PLEKHM3: variants seen among roughly 807,000 people sequenced by gnomAD.
PLEKHM3 encodes pleckstrin homology domain-containing family M member 3.
Under a neutral mutation model 81.8 loss-of-function variants are expected in PLEKHM3, and 45 were observed. The ratio of observed to expected loss-of-function variants is 0.55; its 90% CI spans 0.43 to 0.71. The LOEUF is 0.71. Ranked by LOEUF, PLEKHM3 falls within the 30% of genes least tolerant of loss-of-function variation. The pLI is 0.00. For synonymous variants in PLEKHM3, 352 were observed against 356.4 expected (o/e 0.99, Z 0.14); for missense variants, 788 against 924.3 (o/e 0.85, Z 1.91).
Position 208,001,416 on chromosome 2 carries a change from T to C in PLEKHM3, c.224A>G (p.His75Arg), listed in dbSNP as rs1692299089. The C allele has an allele frequency of 1.2e-6, 2 of 1,614,076 alleles. No homozygotes were observed. Among genetic ancestry groups the C allele is most frequent in the East Asian group, 4.5e-5 (2 of 44,906 alleles). Reference sequence around the variant, plus strand: ...GGTTTCTAAGAGCCTGCTCTTACAGTGGTCCCAAATCATGCCCCCCTTGCC... The same window carrying C: ...GGTTTCTAAGAGCCTGCTCTTACAGCGGTCCCAAATCATGCCCCCCTTGCC... Reference protein sequence around the residue: ...SLGKGGMIWDHCKSRLLETKA... With the variant: ...SLGKGGMIWDRCKSRLLETKA... The change falls in exon 2 of 8, where the codon CAC becomes CGC. Residue 75 changes from histidine to arginine, a missense_variant. Coordinates refer to ENST00000427836, the MANE Select transcript of PLEKHM3 (RefSeq NM_001080475.3).
chr2:207,830,024 G>C (rs1454664953), intron 7 of PLEKHM3, among the ~76,000 whole-genome samples: 1 of 152,090 alleles, frequency 6.6e-6, no homozygotes, highest in East Asian at 1.9e-4. Context: ...GCGGGGTGGG[G>C]GGTTGGAAGG....
chr2:207,997,674 AG>A (rs1692166559), intron 2 of PLEKHM3, among the ~76,000 whole-genome samples: 1 of 152,136 alleles, frequency 6.6e-6, no homozygotes, highest in Non-Finnish European at 1.5e-5. Flanking sequence ...GGGAGAAGGG[AG>A]GATTATGGGT....
chr2:207,884,220 C>G (rs1211686788), intron 6 of PLEKHM3, among the ~76,000 whole-genome samples: 1 of 144,766 alleles, frequency 6.9e-6, no homozygotes, highest in Non-Finnish European at 1.5e-5. Context: ...GAAAAACTCA[C>G]AGTTAACATC....
In PLEKHM3 at chr2:208,002,895, T is replaced by C. The variant is rs12476067; in HGVS notation, c.-318-938A>G. Among the ~76,000 whole-genome samples, 1,234 of 151,456 alleles carry C rather than the reference T, an allele frequency of 8.1e-3. 8 individuals are homozygous for C. Among genetic ancestry groups the C allele is most frequent in the Non-Finnish European group, 0.013 (899 of 67,880 alleles). ...ATTTCAAGTGCCCAACTGTCACATATACCTTTTACCAGGAAAAAAAAAAAA... is the reference window on the plus strand; with the variant it reads ...ATTTCAAGTGCCCAACTGTCACATACACCTTTTACCAGGAAAAAAAAAAAA... On this transcript the variant is annotated intron_variant, in intron 1 of 7. Transcript: ENST00000427836.
At chr2:207,848,235 C>T (rs1213163098) in intron 7 of PLEKHM3, among the ~76,000 whole-genome samples, 1 of 152,210 alleles carries the variant, frequency 6.6e-6, no homozygotes, top group African/African-American at 2.4e-5. Context: ...ATCCCCACCC[C>T]TTCCCCACCA....
At chr2:207,940,666 T>C (rs1689908590) in intron 4 of PLEKHM3, among the ~76,000 whole-genome samples, 2 of 152,122 alleles carry the variant, frequency 1.3e-5, no homozygotes, top group African/African-American at 4.8e-5. Flanking sequence ...ATTAATCCCT[T>C]AATAAGTGCA....
At chr2:207,873,081 G>A (rs1465388816) in intron 6 of PLEKHM3, among the ~76,000 whole-genome samples, 1 of 152,100 alleles carries the variant, frequency 6.6e-6, no homozygotes, top group Non-Finnish European at 1.5e-5. Context: ...TGAGAGCAAA[G>A]AAGGGAAGAA....
At chr2:207,889,646 A>C (rs1229276669) in intron 6 of PLEKHM3, among the ~76,000 whole-genome samples, 1 of 152,136 alleles carries the variant, frequency 6.6e-6, no homozygotes, top group East Asian at 1.9e-4. Context: ...TCAGACTGGA[A>C]GAGGTGGGGG....
At position 207,976,941 on chromosome 2, in the gene PLEKHM3, T is replaced by A. The variant is rs779331594; in HGVS notation, c.1256A>T (p.Asp419Val). Residue 419 changes from aspartate (D) to valine (V), a missense_variant, in exon 3 of 8, where the codon GAT (aspartate) becomes GTT (valine). Asp to Val is a radical substitution (Grantham distance 152). Coordinates refer to ENST00000427836, the MANE Select transcript of PLEKHM3 (RefSeq NM_001080475.3). This position sits in a 1 kb window ranked among gnomAD's most constrained non-coding sequence, Gnocchi z 4.1. Reference protein sequence around the residue: ...VCLAVQMDNLDGCDSCFQVIF... With the variant: ...VCLAVQMDNLVGCDSCFQVIF... ...GACTTGAAAGCAAGAGTCGCAGCCA[T>A]CCAGGTTGTCCATCTGGACAGCCAG... 11 of 1,614,086 alleles carry A rather than the reference T, an allele frequency of 6.8e-6. No homozygotes were observed. The highest frequency in any genetic ancestry group is 1.7e-5 in the Admixed American group (1 of 60,004).
chr2:207,973,204 T>A (rs74836333), intron 3 of PLEKHM3, among the ~76,000 whole-genome samples: 4,537 of 152,312 alleles, frequency 0.03, 212 homozygotes, highest in African/African-American at 0.099. Context: ...TTTATGAGGA[T>A]GCAAAGTTAG....
intron 7 of PLEKHM3, among the ~76,000 whole-genome samples, chr2:207,837,154 CA>C (rs2092323907): frequency 6.6e-6 from 1 of 152,140 alleles, no homozygotes; most frequent in Non-Finnish European, 1.5e-5. Flanking sequence ...TGTAAGTAAA[CA>C]TAAGCAAACA....
At chr2:207,959,604 C>G (rs1690662862) in intron 3 of PLEKHM3, among the ~76,000 whole-genome samples, 1 of 152,178 alleles carries the variant, frequency 6.6e-6, no homozygotes, top group African/African-American at 2.4e-5. Context: ...GCTTCTCTTT[C>G]CTCATATTTT....
At chr2:207,925,256 C>T (rs1473478024) in intron 5 of PLEKHM3, among the ~76,000 whole-genome samples, 6 of 151,806 alleles carry the variant, frequency 4.0e-5, no homozygotes, top group East Asian at 3.9e-4. Context: ...CTGAGGGATC[C>T]GGGTAGATCG....
chr2:207,824,384 ATC>A lies in PLEKHM3; in HGVS notation c.*3933_*3934del, dbSNP rs1283268655. Reference sequence around the variant, plus strand: ...GCAGTATTGGAATCAGGAGGTGAAGATCTGTTTCATAATCTAGTGATTTCAAG... The same window carrying A: ...GCAGTATTGGAATCAGGAGGTGAAGATGTTTCATAATCTAGTGATTTCAAG... On this transcript the variant is annotated 3_prime_UTR_variant, in exon 8 of 8. Coordinates refer to ENST00000427836, the MANE Select transcript of PLEKHM3 (RefSeq NM_001080475.3). 3 of 152,210 alleles carry A rather than the reference ATC, an allele frequency of 2.0e-5. No individual in the cohort carries two copies. The highest frequency in any genetic ancestry group is 4.4e-5 in the Non-Finnish European group (3 of 68,030). 9.4% of individuals were successfully genotyped at this position (152,210 alleles called of 1,614,324 possible). A position where few individuals can be genotyped will look rare whatever the true frequency, so the allele number is the denominator to read the frequency against.
chr2:207,970,317 A>G (rs1691071726), intron 3 of PLEKHM3, among the ~76,000 whole-genome samples: 1 of 151,896 alleles, frequency 6.6e-6, no homozygotes, highest in African/African-American at 2.4e-5. Context: ...AAGAGGAGGA[A>G]AATGCCCCCC....
intron 1 of PLEKHM3, among the ~76,000 whole-genome samples, chr2:208,011,063 TCA>T (rs1692672711): frequency 3.6e-5 from 3 of 82,424 alleles, no homozygotes; most frequent in African/African-American, 1.5e-4. Flanking sequence ...ATGGCCATAA[TCA>T]AAAAAAAAAA....
At chr2:207,906,788 T>C (rs1308101371) in intron 6 of PLEKHM3, among the ~76,000 whole-genome samples, 1 of 151,818 alleles carries the variant, frequency 6.6e-6, no homozygotes, top group Non-Finnish European at 1.5e-5. Context: ...GACTGTCAAA[T>C]AAATAAATAA....
At chr2:207,848,277 T>C (rs1469290410) in intron 7 of PLEKHM3, among the ~76,000 whole-genome samples, 4 of 152,136 alleles carry the variant, frequency 2.6e-5, no homozygotes, top group Non-Finnish European at 2.9e-5. Flanking sequence ...AACATGAAAG[T>C]CTCTTTCAAA....
At chr2:207,986,595 T>G (rs1194662924) in intron 2 of PLEKHM3, among the ~76,000 whole-genome samples, 2 of 152,100 alleles carry the variant, frequency 1.3e-5, no homozygotes, top group Non-Finnish European at 2.9e-5. Context: ...GACATGAAGG[T>G]ACAGAAGTTC....
Sources: allele counts gnomAD v4.1 joint callset (sites outside exome capture counted in the v4.1 genomes callset), GRCh38; gene constraint gnomAD v4.1.1; non-coding constraint Gnocchi (gnomAD v3.1); transcripts MANE v1.5; gene names NCBI Gene and HGNC (gene_info 2026-07-23, HGNC 2026-07-21).